The following ANKUB1 variants were observed in gnomAD, a reference collection of about 807,000 sequenced individuals.
The protein encoded by ANKUB1 is protein ANKUB1.
ANKUB1 carries 42 observed loss-of-function variants against 49.3 expected under a neutral mutation model. The observed-to-expected ratio is 0.85, with a 90% CI of 0.67 to 1.10. The LOEUF is 1.10. Among genes scored for constraint, ANKUB1 ranks in the 50% least tolerant of loss-of-function variants. ANKUB1 has a pLI of 0.00. For missense variants in ANKUB1, 613 were observed against 642.0 expected (o/e 0.95, Z 0.49); for synonymous variants, 222 against 231.0 (o/e 0.96, Z 0.35).
chr3:149,767,447 G>T lies in ANKUB1; in HGVS notation c.1215C>A (p.Leu405=), dbSNP rs1015714314. Residue 405 remains leucine, a synonymous_variant, in exon 5 of 6, where the codon CTC becomes CTA. Transcript: ENST00000446160. ...TTGCATTCACCAGTGGATGAAATTT[G>T]AGGGCTTGTTTTCTTGTGTCCGGCT... The part of the protein sequence containing the change: ...ISQPDTRKQA[L]KFHPLVNASS... The T allele has an allele frequency of 1.9e-6, 3 of 1,551,582 alleles. No homozygotes were observed. Among genetic ancestry groups the T allele is most frequent in the Non-Finnish European group, 2.6e-6 (3 of 1,146,996 alleles).
At chr3:149,774,132 C>T (rs931343026) in intron 3 of ANKUB1, among the ~76,000 whole-genome samples, 3 of 152,172 alleles carry the variant, frequency 2.0e-5, no homozygotes, top group Non-Finnish European at 4.4e-5. Flanking sequence ...ATTGTGAATC[C>T]CAATATTCTA....
chr3:149,791,739 T>C (rs1040079743), intron 1 of ANKUB1, among the ~76,000 whole-genome samples: 6 of 152,244 alleles, frequency 3.9e-5, no homozygotes, highest in Non-Finnish European at 7.3e-5. Flanking sequence ...GAAGATACTA[T>C]ACCCAAGTTA....
intron 3 of ANKUB1, among the ~76,000 whole-genome samples, chr3:149,775,110 G>C (rs1279022943): frequency 6.6e-6 from 1 of 152,094 alleles, no homozygotes; most frequent in African/African-American, 2.4e-5. Context: ...ACTATGCCTA[G>C]GCCACACAGG....
intron 2 of ANKUB1, among the ~76,000 whole-genome samples, chr3:149,780,693 T>C (rs1717823457): frequency 6.6e-6 from 1 of 152,248 alleles, no homozygotes; most frequent in African/African-American, 2.4e-5. Context: ...ACCCTTTGAC[T>C]TCTTAGTCTA....
chr3:149,787,079 C>G (rs1274787704), intron 2 of ANKUB1, among the ~76,000 whole-genome samples: 1 of 152,112 alleles, frequency 6.6e-6, no homozygotes, highest in Non-Finnish European at 1.5e-5. Context: ...TCCATATGAA[C>G]TTTAAACTAG....
chr3:149,772,502 A>C (rs1469046860), intron 3 of ANKUB1, among the ~76,000 whole-genome samples: 1 of 152,070 alleles, frequency 6.6e-6, no homozygotes, highest in African/African-American at 2.4e-5. Flanking sequence ...TCCCTTCTTT[A>C]TTCAGGTCTC....
At chr3:149,777,994 C>T (rs1233047243) in intron 3 of ANKUB1, among the ~76,000 whole-genome samples, 1 of 152,116 alleles carries the variant, frequency 6.6e-6, no homozygotes, top group Non-Finnish European at 1.5e-5. Context: ...GGAAAAGGGG[C>T]CAAGGTTCAA....
intron 3 of ANKUB1, among the ~76,000 whole-genome samples, chr3:149,772,841 C>T (rs1360635481): frequency 6.6e-6 from 1 of 152,098 alleles, no homozygotes; most frequent in East Asian, 1.9e-4. Flanking sequence ...AGCAGGTTGG[C>T]CTGCACTTCC....
chr3:149,792,413 T>C lies in ANKUB1; in HGVS notation c.-47A>G. 1 of 1,389,502 alleles carries C rather than the reference T, an allele frequency of 7.2e-7. No individual in the cohort carries two copies. The highest frequency in any genetic ancestry group is 9.6e-7 in the Non-Finnish European group (1 of 1,044,302). 86.1% of individuals were successfully genotyped at this position (1,389,502 alleles called of 1,614,324 possible). ...AAAAAATATCCAACTTTTTCAAAGA[T>C]TCTCCTGGATGGCTAGAAAAATTCC... On this transcript the variant is annotated 5_prime_UTR_variant, in exon 1 of 6. Transcript: ENST00000446160.
chr3:149,791,079 C>A (rs749904923), intron 1 of ANKUB1, among the ~76,000 whole-genome samples, 155 bp from the exon 2 acceptor site: 12 of 152,186 alleles, frequency 7.9e-5, no homozygotes, highest in Non-Finnish European at 1.3e-4. Flanking sequence ...ACTTAGAGAA[C>A]TTCCAAAACA....
intron 3 of ANKUB1, among the ~76,000 whole-genome samples, chr3:149,776,410 C>T (rs1314723661): frequency 1.3e-5 from 2 of 152,186 alleles, no homozygotes; most frequent in Admixed American, 6.5e-5. Flanking sequence ...TTGGTCTCCA[C>T]CTACATGGGC....
chr3:149,786,568 A>G lies in ANKUB1; in HGVS notation c.234+4213T>C, dbSNP rs570066805. Among the ~76,000 whole-genome samples, 101 of 152,312 alleles carry G rather than the reference A, an allele frequency of 6.6e-4. 1 individual carries two copies. Among genetic ancestry groups the G allele is most frequent in the South Asian group, 3.1e-3 (15 of 4,828 alleles). ...CTGATGGTAGTTTCTTTTGCTGTGC[A>G]GAAACTCTTTGGTTTAATTAGATCC... On this transcript the variant is annotated intron_variant, in intron 2 of 5. Transcript: ENST00000446160.
chr3:149,777,367 G>A (rs1434054487), intron 3 of ANKUB1, among the ~76,000 whole-genome samples: 1 of 152,152 alleles, frequency 6.6e-6, no homozygotes, highest in Non-Finnish European at 1.5e-5. Context: ...AGCTACTCAG[G>A]AGGCTGAGGC....
intron 3 of ANKUB1, among the ~76,000 whole-genome samples, chr3:149,771,211 C>T (rs1717344903): frequency 6.6e-6 from 1 of 152,238 alleles, no homozygotes; most frequent in African/African-American, 2.4e-5. Flanking sequence ...AAAGTCTACC[C>T]TTTCTGTGAT....
chr3:149,790,391 G>C (rs906582598), intron 2 of ANKUB1, among the ~76,000 whole-genome samples: 2 of 152,144 alleles, frequency 1.3e-5, no homozygotes, highest in Non-Finnish European at 2.9e-5. Context: ...TTGTTACTGA[G>C]AATTTCTTCT....
chr3:149,775,907 G>T (rs1312586483), intron 3 of ANKUB1, among the ~76,000 whole-genome samples: 1 of 151,562 alleles, frequency 6.6e-6, no homozygotes, highest in Non-Finnish European at 1.5e-5. Flanking sequence ...GTGTGTGCGT[G>T]TGTGTGTGTG....
At chr3:149,767,067 G>C (rs1717057628) in intron 5 of ANKUB1, 90 bp downstream of exon 5, 2 of 1,254,236 alleles carry the variant, frequency 1.6e-6, no homozygotes, top group Admixed American at 5.1e-5. Flanking sequence ...ATTACTTTCA[G>C]TGGCATAGTA....
At chr3:149,791,942 T>C (rs16862253) in intron 1 of ANKUB1, among the ~76,000 whole-genome samples, 1,944 of 152,316 alleles carry the variant, frequency 0.013, 31 homozygotes, top group African/African-American at 0.044. Context: ...CCCACGTATA[T>C]AGCCTGAAGT....
At position 149,767,979 on chromosome 3, in the gene ANKUB1, C is replaced by T. The variant is rs191714509; in HGVS notation, c.683G>A (p.Arg228Gln). 136 of 1,534,598 alleles carry T rather than the reference C, an allele frequency of 8.9e-5. No homozygotes were observed. Among genetic ancestry groups the T allele is most frequent in the African/African-American group, 4.5e-4 (33 of 72,808 alleles). Residue 228 changes from arginine (R) to glutamine (Q), a missense_variant, in exon 5 of 6, where the codon CGA becomes CAA. Coordinates refer to ENST00000446160, the MANE Select transcript of ANKUB1 (RefSeq NM_001144960.3). Reference protein sequence around the residue: ...PHEAVGVHPYRAWCHEALHAD... With the variant: ...PHEAVGVHPYQAWCHEALHAD... ...ATGAAGGGCTTCATGGCACCATGCT[C>T]GATAGGGGTGAACACCGACTGCCTC...
Sources: allele counts gnomAD v4.1 joint callset (sites outside exome capture counted in the v4.1 genomes callset), GRCh38; gene constraint gnomAD v4.1.1; transcripts MANE v1.5; gene names NCBI Gene and HGNC (gene_info 2026-07-23, HGNC 2026-07-21).